ENPP3: variants seen among roughly 807,000 people sequenced by gnomAD.
ENPP3 encodes ectonucleotide pyrophosphatase/phosphodiesterase family member 3.
ENPP3 carries 104 observed loss-of-function variants against 117.8 expected under a neutral mutation model. The ratio of observed to expected loss-of-function variants is 0.88; its 90% CI spans 0.75 to 1.04. The LOEUF (loss-of-function observed/expected upper bound fraction) is 1.04, where lower values mean the gene tolerates loss of function less well. Among genes scored for constraint, ENPP3 ranks in the 50% least tolerant of loss-of-function variants. The pLI, the probability that ENPP3 is intolerant of heterozygous loss-of-function variation, is 0.00. For missense variants in ENPP3, 1,026 were observed against 1,051.9 expected, an observed-to-expected ratio of 0.98 and a Z score of 0.34; for synonymous variants, 380 against 349.9, an observed-to-expected ratio of 1.09 and a Z score of -0.96.
chr6:131,743,459 T>C (rs189230912), intron 24 of ENPP3, among the ~76,000 whole-genome samples: 14 of 152,096 alleles, frequency 9.2e-5, no homozygotes, highest in African/African-American at 3.1e-4. Context: ...AAATAATCTA[T>C]ATAAAACCCT....
intron 10 of ENPP3, 22 bp from the exon 11 acceptor site, chr6:131,677,846 T>A (rs1183218771): frequency 1.4e-6 from 2 of 1,478,516 alleles, no homozygotes; most frequent in South Asian, 2.3e-5. Context: ...ATAATATATT[T>A]CTGTTTCAAT....
At chr6:131,641,929 G>T (rs1778053459) in intron 2 of ENPP3, among the ~76,000 whole-genome samples, 1 of 149,612 alleles carries the variant, frequency 6.7e-6, no homozygotes, top group South Asian at 2.1e-4. Flanking sequence ...CAAGTAGCTG[G>T]GACCACAGGT....
chr6:131,719,700 T>G (rs1158296233), intron 16 of ENPP3, among the ~76,000 whole-genome samples: 1 of 152,156 alleles, frequency 6.6e-6, no homozygotes, highest in African/African-American at 2.4e-5. Context: ...GTTTGATATT[T>G]TTCTTCTAAT....
At chr6:131,641,882 C>T (rs980023930) in intron 2 of ENPP3, among the ~76,000 whole-genome samples, 3 of 137,888 alleles carry the variant, frequency 2.2e-5, no homozygotes, top group Non-Finnish European at 4.6e-5. Flanking sequence ...TGCAGTTCCT[C>T]CCTGCCCTCA....
chr6:131,654,753 AT>A (rs1212892265), intron 5 of ENPP3, among the ~76,000 whole-genome samples: 2 of 152,188 alleles, frequency 1.3e-5, no homozygotes, highest in African/African-American at 4.8e-5. Flanking sequence ...CAGTGGAGGC[AT>A]TTTTAAATAG....
chr6:131,692,497 A>G (rs1779301120), intron 14 of ENPP3, among the ~76,000 whole-genome samples: 3 of 151,520 alleles, frequency 2.0e-5, no homozygotes, highest in African/African-American at 7.2e-5. Flanking sequence ...TCTGTTGGAA[A>G]GTACTTTTTT....
rs899846745 is a variant in ENPP3, at chr6:131,726,168, C to A, written c.1921C>A (p.Pro641Thr). The A allele has an allele frequency of 2.5e-6, 4 of 1,613,836 alleles. No individual in the cohort carries two copies. The highest frequency in any genetic ancestry group is 3.4e-6 in the Non-Finnish European group (4 of 1,179,772). The change falls in exon 20 of 25, where the codon CCC (proline) becomes ACC (threonine). Residue 641 changes from proline (P) to threonine (T), a missense_variant. By Grantham distance (38) the Pro-to-Thr change is conservative. Transcript: ENST00000357639. ...TGGATTTGGAAAAGCTATGAGGATGCCCATGTGGAGTTCATACACAGTCCC... is the reference window on the plus strand; with the variant it reads ...TGGATTTGGAAAAGCTATGAGGATGACCATGTGGAGTTCATACACAGTCCC... ...VSGFGKAMRMPMWSSYTVPQL... is the reference protein window; with the variant it reads ...VSGFGKAMRMTMWSSYTVPQL...
intron 9 of ENPP3, among the ~76,000 whole-genome samples, chr6:131,675,634 C>G (rs1332482517): frequency 6.6e-6 from 1 of 151,996 alleles, no homozygotes; most frequent in African/African-American, 2.4e-5. Context: ...TCAAGACCAG[C>G]CTGGTCAACA....
Position 131,726,161 on chromosome 6 carries a change from G to A in ENPP3, c.1914G>A (p.Met638Ile), listed in dbSNP as rs775750845. 3.1e-6 allele frequency: 5 copies of A among 1,614,062 alleles called. No homozygotes were observed. Among genetic ancestry groups the A allele is most frequent in the Non-Finnish European group, 4.2e-6 (5 of 1,179,950 alleles). The change falls in exon 20 of 25, where the codon ATG becomes ATA. Residue 638 changes from methionine (M) to isoleucine (I), a missense_variant. Physicochemically the swap from Met to Ile is conservative, Grantham distance 10 (BLOSUM62 1). Coordinates refer to ENST00000357639, the MANE Select transcript of ENPP3 (RefSeq NM_005021.5). ...REYVSGFGKA[M>I]RMPMWSSYTV... ...ATGTCAGTGGATTTGGAAAAGCTAT[G>A]AGGATGCCCATGTGGAGTTCATACA...
intron 15 of ENPP3, among the ~76,000 whole-genome samples, chr6:131,706,858 T>TTATATA (rs372034391): frequency 4.0e-5 from 6 of 149,414 alleles, no homozygotes; most frequent in Non-Finnish European, 6.0e-5. Flanking sequence ...ATACATATCT[T>TTATATA]TATATATATA....
intron 8 of ENPP3, among the ~76,000 whole-genome samples, chr6:131,674,845 C>A (rs922658422): frequency 6.6e-6 from 1 of 152,076 alleles, no homozygotes; most frequent in Admixed American, 6.6e-5. Context: ...GCTGGGATTA[C>A]AGGTTGTAAT....
chr6:131,639,265 A>ATATTTTT (rs371737976), intron 1 of ENPP3, among the ~76,000 whole-genome samples: 67 of 107,168 alleles, frequency 6.3e-4, no homozygotes, highest in Middle Eastern at 9.6e-3. Context: ...ATATATATAT[A>ATATTTTT]TTTTTTTTTT....
chr6:131,685,804 G>A, intron 13 of ENPP3, 72 bp from the exon 14 acceptor site: 1 of 701,412 alleles, frequency 1.4e-6, no homozygotes, highest in Non-Finnish European at 2.6e-6. Flanking sequence ...AAATTCACCT[G>A]AGTGGTTCAC....
At chr6:131,697,971 T>C (rs938463090) in intron 15 of ENPP3, among the ~76,000 whole-genome samples, 2 of 152,164 alleles carry the variant, frequency 1.3e-5, no homozygotes, top group African/African-American at 4.8e-5. Context: ...CGGGAAGGTA[T>C]TATGGTTAAC....
At chr6:131,647,167 C>G (rs1319348172) in intron 2 of ENPP3, among the ~76,000 whole-genome samples, 2 of 152,000 alleles carry the variant, frequency 1.3e-5, no homozygotes, top group Non-Finnish European at 1.5e-5. Context: ...AGCCACTGCA[C>G]CAGGCCTCAA....
At chr6:131,674,986 G>A (rs1474043840) in intron 8 of ENPP3, 94 bp from the exon 9 acceptor site, 20 of 709,962 alleles carry the variant, frequency 2.8e-5, no homozygotes, top group Non-Finnish European at 5.0e-5. Context: ...TTTAATACAT[G>A]TTGCAACTAT....
chr6:131,707,237 G>A (rs1361125436), intron 15 of ENPP3, among the ~76,000 whole-genome samples: 5 of 151,222 alleles, frequency 3.3e-5, no homozygotes, highest in Non-Finnish European at 5.9e-5. Flanking sequence ...GGAGTTGTTT[G>A]TAATATTCCT....
chr6:131,744,802 T>TACACAC lies in ENPP3; in HGVS notation c.2458-1956_2458-1951dup, dbSNP rs72401502. On this transcript the variant is annotated intron_variant, in intron 24 of 24. Transcript: ENST00000357639. ...TCTTAATTCTGTAACAGGTCATTTA[T>TACACAC]ACACACACACACACACACACACACA... Among the ~76,000 whole-genome samples the TACACAC allele has an allele frequency of 5.8e-3, 853 of 146,862 alleles. 8 individuals carry two copies. The highest frequency in any genetic ancestry group is 0.019 in the African/African-American group (775 of 40,256).
rs777220021 is a variant in ENPP3, at chr6:131,720,288, C to T, written c.1480-4C>T. ...ATAATAATAATCTGACTATTATGAC[C>T]TAGGCTATCTTTCTGGCACATGGAC... is the stretch of plus-strand genomic sequence containing the variant. On this transcript the variant is annotated splice_polypyrimidine_tract_variant and splice_region_variant and intron_variant, in intron 16 of 24. Transcript: ENST00000357639. 9.0e-6 allele frequency: 14 copies of T among 1,553,682 alleles called. No individual in the cohort carries two copies. The highest frequency in any genetic ancestry group is 1.1e-5 in the Non-Finnish European group (13 of 1,137,528).
Sources: allele counts gnomAD v4.1 joint callset (sites outside exome capture counted in the v4.1 genomes callset), GRCh38; gene constraint gnomAD v4.1.1; transcripts MANE v1.5; gene names NCBI Gene and HGNC (gene_info 2026-07-23, HGNC 2026-07-21).